The following BPIFC variants were observed in gnomAD, a reference collection of about 807,000 sequenced individuals.
BPIFC encodes BPI fold-containing family C protein.
BPIFC carries 60 observed loss-of-function variants against 57.6 expected under a neutral mutation model. The ratio of observed to expected loss-of-function variants is 1.04; its 90% CI spans 0.85 to 1.29. The LOEUF (loss-of-function observed/expected upper bound fraction) is 1.29. Ranked by LOEUF, BPIFC falls within the 50% of genes most tolerant of loss-of-function variation. The pLI, the probability that BPIFC is intolerant of heterozygous loss-of-function variation, is 0.00. For synonymous variants in BPIFC, 243 were observed against 224.5 expected (o/e 1.08, Z -0.74); for missense variants, 581 against 600.5 (o/e 0.97, Z 0.34).
intron 8 of BPIFC, among the ~76,000 whole-genome samples, chr22:32,441,925 C>T (rs1007297453): frequency 3.9e-5 from 6 of 152,184 alleles, no homozygotes; most frequent in African/African-American, 7.2e-5. Flanking sequence ...CTAGATCCCT[C>T]GCATGCACGG....
intron 4 of BPIFC, among the ~76,000 whole-genome samples, chr22:32,453,153 C>T (rs1291525576): frequency 2.6e-5 from 4 of 152,270 alleles, no homozygotes; most frequent in African/African-American, 4.8e-5. Flanking sequence ...CCTTTACCCT[C>T]GTCTCTTCCT....
chr22:32,435,484 G>A (rs888602513), intron 10 of BPIFC, among the ~76,000 whole-genome samples: 1 of 152,078 alleles, frequency 6.6e-6, no homozygotes, highest in Non-Finnish European at 1.5e-5. Context: ...GACAAAATCC[G>A]AAATCCAGAA....
intron 8 of BPIFC, among the ~76,000 whole-genome samples, chr22:32,442,403 C>T (rs1008316590): frequency 2.0e-5 from 3 of 152,048 alleles, no homozygotes; most frequent in African/African-American, 7.2e-5. Flanking sequence ...TGCTTGGGTT[C>T]GTGCTCGTGA....
intron 8 of BPIFC, among the ~76,000 whole-genome samples, chr22:32,441,865 T>C (rs1191056736): frequency 6.6e-6 from 1 of 152,194 alleles, no homozygotes; most frequent in African/African-American, 2.4e-5. Context: ...GGGATGAAAC[T>C]GTTTCACCTC....
intron 13 of BPIFC, among the ~76,000 whole-genome samples, chr22:32,424,777 T>C (rs1277537463): frequency 1.7e-4 from 21 of 120,710 alleles, no homozygotes; most frequent in Admixed American, 8.0e-4. Flanking sequence ...CTTCTTCTTC[T>C]TCTTCTTCTT....
intron 8 of BPIFC, 88 bp downstream of exon 8, chr22:32,442,583 C>T (rs1934594582): frequency 3.1e-6 from 4 of 1,306,168 alleles, no homozygotes; most frequent in South Asian, 2.5e-5. Flanking sequence ...ATAGCTCAAG[C>T]TATACCGCCT....
In BPIFC at chr22:32,432,700, C is replaced by T. The variant is rs566773409; in HGVS notation, c.979-157G>A. Among the ~76,000 whole-genome samples, 20 of 152,240 alleles carry T rather than the reference C, an allele frequency of 1.3e-4. No individual in the cohort carries two copies. In the South Asian group the frequency reaches 2.1e-3, roughly 16 times the overall value. ...ATCATAATTACACACAAAAATCAAA[C>T]GATGATAACAGTTGGCAGTTACTGA... is the stretch of plus-strand genomic sequence containing the variant. On this transcript the variant is annotated intron_variant, in intron 11 of 16. Coordinates refer to ENST00000300399, the MANE Select transcript of BPIFC (RefSeq NM_174932.3).
intron 7 of BPIFC, 89 bp from the exon 8 acceptor site, chr22:32,442,820 C>G: frequency 8.0e-7 from 1 of 1,247,956 alleles, no homozygotes; most frequent in Non-Finnish European, 1.1e-6. Context: ...CAAACAAAGG[C>G]CTTCTGGTTA....
chr22:32,423,577 GGTGTGTGT>G (rs369571670), intron 13 of BPIFC, among the ~76,000 whole-genome samples: 1 of 143,198 alleles, frequency 7.0e-6, no homozygotes, highest in Non-Finnish European at 1.5e-5. Flanking sequence ...GTAGGGTGTG[GGTGTGTGT>G]GTGTGTGTGT....
intron 3 of BPIFC, among the ~76,000 whole-genome samples, chr22:32,455,225 A>G (rs1214611656): frequency 6.6e-6 from 1 of 151,674 alleles, no homozygotes; most frequent in African/African-American, 2.4e-5. Context: ...TAATTTTTGT[A>G]TTTTTAGTAG....
At chr22:32,452,390 A>T (rs942905315) in intron 4 of BPIFC, among the ~76,000 whole-genome samples, 1 of 152,042 alleles carries the variant, frequency 6.6e-6, no homozygotes, top group Non-Finnish European at 1.5e-5. Flanking sequence ...TAATCCCAGC[A>T]CTTTGGGAGG....
At position 32,451,465 on chromosome 22, in the gene BPIFC, T is replaced by C. The variant is rs185102596; in HGVS notation, c.245+1918A>G. ...AGGACAAAAAACCAAACACCACATGTTCTCACTCATAGGTGGGAATTGAAC... is the reference window on the plus strand; with the variant it reads ...AGGACAAAAAACCAAACACCACATGCTCTCACTCATAGGTGGGAATTGAAC... On this transcript the variant is annotated intron_variant, in intron 4 of 16. Coordinates refer to ENST00000300399, the MANE Select transcript of BPIFC (RefSeq NM_174932.3). 3.8e-3 allele frequency among the ~76,000 whole-genome samples: 578 copies of C among 152,290 alleles called. 2 individuals are homozygous for C. The highest frequency in any genetic ancestry group is 0.013 in the African/African-American group (547 of 41,550).
At chr22:32,428,272 C>T (rs543297788) in intron 13 of BPIFC, among the ~76,000 whole-genome samples, 35 of 139,266 alleles carry the variant, frequency 2.5e-4, no homozygotes, top group Middle Eastern at 7.0e-3. Flanking sequence ...TGTGTGTGCG[C>T]GCGCGTGTGT....
intron 14 of BPIFC, 45 bp downstream of exon 14, chr22:32,419,317 C>T (rs1368328792): frequency 1.3e-6 from 2 of 1,570,086 alleles, no homozygotes; most frequent in Non-Finnish European, 1.7e-6. Flanking sequence ...TAGGAGAATC[C>T]TCGTTCTTCC....
At position 32,435,720 on chromosome 22, in the gene BPIFC, GT is replaced by G; in HGVS notation, c.907del (p.Thr303LeufsTer37). 1 of 1,613,970 alleles carries G rather than the reference GT, an allele frequency of 6.2e-7. No individual in the cohort carries two copies. On this transcript the variant is annotated frameshift_variant, in exon 10 of 17. Transcript: ENST00000300399. LOFTEE classifies it high-confidence loss of function. ...TCTCCTCACCTCTTCGGTGGAGAGA[GT>G]GACATTGAAAACCCCAGCTGTGAAA... is the stretch of plus-strand genomic sequence containing the variant. ...AHFTAGVFNV[T>X]LSTEEISNHF...
At chr22:32,453,287 G>C in intron 4 of BPIFC, 96 bp downstream of exon 4, 3 of 914,338 alleles carry the variant, frequency 3.3e-6, no homozygotes, top group Non-Finnish European at 4.7e-6. Context: ...AGATAAGAAG[G>C]CTGGATTCTG....
chr22:32,445,319 C>T (rs765970599), intron 7 of BPIFC, among the ~76,000 whole-genome samples: 5 of 152,110 alleles, frequency 3.3e-5, no homozygotes, highest in South Asian at 2.1e-4. Context: ...GCGCGGATCA[C>T]GAGTTCAGGA....
chr22:32,449,204 A>G (rs1274497030), intron 4 of BPIFC, among the ~76,000 whole-genome samples: 3 of 152,220 alleles, frequency 2.0e-5, no homozygotes, highest in Admixed American at 6.5e-5. Flanking sequence ...CATATTGTGC[A>G]AAGAGTGCTT....
intron 7 of BPIFC, among the ~76,000 whole-genome samples, chr22:32,443,267 C>T (rs565609032): frequency 6.6e-6 from 1 of 151,970 alleles, no homozygotes; most frequent in Admixed American, 6.5e-5. Context: ...TGGTTCATGC[C>T]ATTCTCCTGC....
Sources: gnomAD v4.1 joint callset for allele counts (sites outside exome capture counted in the v4.1 genomes callset) on GRCh38, gnomAD v4.1.1 for gene constraint, MANE v1.5 for transcripts, NCBI Gene and HGNC (gene_info 2026-07-23, HGNC 2026-07-21) for gene names.